The following MAML3 variants were observed in gnomAD, a reference collection of about 807,000 sequenced individuals.
The protein encoded by MAML3 is mastermind like transcriptional coactivator 3.
Under a neutral mutation model 101.9 loss-of-function variants are expected in MAML3, and 27 were observed. That is an observed-to-expected ratio of 0.27 (90% CI 0.20 to 0.37). The LOEUF (loss-of-function observed/expected upper bound fraction) is 0.37. MAML3 is among the 10% of genes least tolerant of loss of function. The pLI, the probability that MAML3 is intolerant of heterozygous loss-of-function variation, is 1.00. For missense variants in MAML3, 1,316 were observed against 1,444.9 expected (o/e 0.91, Z 1.45); for synonymous variants, 501 against 555.9 (o/e 0.90, Z 1.39).
chr4:140,082,201 C>T (rs1297941027), intron 1 of MAML3, among the ~76,000 whole-genome samples: 2 of 152,208 alleles, frequency 1.3e-5, no homozygotes, highest in Non-Finnish European at 2.9e-5. Flanking sequence ...TCAAAGGGTT[C>T]AAGGGAAGAA....
chr4:140,121,226 CA>C (rs1323818462), intron 1 of MAML3, among the ~76,000 whole-genome samples: 2 of 152,244 alleles, frequency 1.3e-5, no homozygotes, highest in Admixed American at 1.3e-4. Flanking sequence ...CTAATTGTGC[CA>C]AATAGATACA....
chr4:139,831,040 C>T (rs1040423330), intron 2 of MAML3, among the ~76,000 whole-genome samples: 4 of 152,104 alleles, frequency 2.6e-5, no homozygotes, highest in Non-Finnish European at 5.9e-5. Context: ...AAAAATGAGA[C>T]ATTTTCTCTC....
chr4:139,891,258 A>G (rs1732492178), intron 1 of MAML3, among the ~76,000 whole-genome samples: 1 of 152,188 alleles, frequency 6.6e-6, no homozygotes, highest in Non-Finnish European at 1.5e-5. Context: ...TCAGCAAGGA[A>G]GAATAATCTG....
At chr4:139,778,460 G>C (rs1031970243) in intron 2 of MAML3, among the ~76,000 whole-genome samples, 1 of 152,226 alleles carries the variant, frequency 6.6e-6, no homozygotes, top group Non-Finnish European at 1.5e-5. Context: ...TTAAGTCTCA[G>C]AGGGCAGCCA....
At chr4:139,852,267 C>T (rs970839051) in intron 2 of MAML3, among the ~76,000 whole-genome samples, 2 of 152,156 alleles carry the variant, frequency 1.3e-5, no homozygotes, top group African/African-American at 4.8e-5. Flanking sequence ...AACCTTTCTG[C>T]AAATCAACTT....
At position 139,752,964 on chromosome 4, in the gene MAML3, T is replaced by C. The variant is rs188444710; in HGVS notation, c.2080-22297A>G. Among the ~76,000 whole-genome samples, 3 of 152,316 alleles carry C rather than the reference T, an allele frequency of 2.0e-5. No homozygotes were observed. In the East Asian group the frequency reaches 5.8e-4, roughly 29 times the overall value. ...CAGGCTGGGGTGATTTTTTTGAACC[T>C]ATCTGCTAGGTCAAGATAATAGGAG... On this transcript the variant is annotated intron_variant, in intron 2 of 4. Coordinates refer to ENST00000509479, the MANE Select transcript of MAML3 (RefSeq NM_018717.5).
At chr4:139,989,849 A>AC (rs1560858894) in intron 1 of MAML3, among the ~76,000 whole-genome samples, 9 of 77,206 alleles carry the variant, frequency 1.2e-4, no homozygotes, top group African/African-American at 2.1e-4. Flanking sequence ...ACACACAAAC[A>AC]AACACACACA....
At chr4:140,011,773 T>C (rs534500905) in intron 1 of MAML3, among the ~76,000 whole-genome samples, 1 of 152,312 alleles carries the variant, frequency 6.6e-6, no homozygotes, top group South Asian at 2.1e-4. Context: ...GCAGTTTCTG[T>C]ATATGCAGAG....
intron 1 of MAML3, among the ~76,000 whole-genome samples, chr4:139,964,986 A>G (rs1471631989): frequency 1.3e-5 from 2 of 152,230 alleles, no homozygotes; most frequent in African/African-American, 4.8e-5. Context: ...ATTAGGAAGA[A>G]ATGTACATAA....
chr4:140,144,881 C>T (rs1729030737), intron 1 of MAML3, among the ~76,000 whole-genome samples: 1 of 152,166 alleles, frequency 6.6e-6, no homozygotes, highest in African/African-American at 2.4e-5. Context: ...CCTCTCCTAC[C>T]TTAACACTAG....
chr4:139,851,087 T>C (rs1025026322), intron 2 of MAML3, among the ~76,000 whole-genome samples: 1 of 152,212 alleles, frequency 6.6e-6, no homozygotes, highest in Non-Finnish European at 1.5e-5. Context: ...ACTTTAAGTA[T>C]GCTCTCCTTT....
chr4:140,015,720 G>A lies in MAML3; in HGVS notation c.469-124753C>T, dbSNP rs79611007. Among the ~76,000 whole-genome samples, 158 of 152,306 alleles carry A rather than the reference G, an allele frequency of 1.0e-3. 2 individuals are homozygous for A. In the Middle Eastern group the frequency reaches 0.017, roughly 16 times the overall value. ...TGTAATCCCAGCACTTTGAGAGGCC[G>A]AGGTGAGTGGATCACTCGGGGTTAG... On this transcript the variant is annotated intron_variant, in intron 1 of 4. Coordinates refer to ENST00000509479, the MANE Select transcript of MAML3 (RefSeq NM_018717.5).
intron 1 of MAML3, among the ~76,000 whole-genome samples, chr4:139,900,131 G>A (rs77048108): frequency 0.084 from 12,761 of 152,158 alleles, 777 homozygotes; most frequent in Admixed American, 0.2. Flanking sequence ...AAATGACCAT[G>A]ATCTTTTTTC....
chr4:139,908,416 T>C (rs1408171621), intron 1 of MAML3, among the ~76,000 whole-genome samples: 1 of 152,238 alleles, frequency 6.6e-6, no homozygotes, highest in East Asian at 1.9e-4. Flanking sequence ...TTTATCCTTA[T>C]GTACAATAAA....
At chr4:139,854,941 C>G (rs974381323) in intron 2 of MAML3, among the ~76,000 whole-genome samples, 1 of 152,192 alleles carries the variant, frequency 6.6e-6, no homozygotes. Context: ...CTCAACTCCC[C>G]GCCACAGCCT....
chr4:140,092,598 A>C (rs904215533), intron 1 of MAML3, among the ~76,000 whole-genome samples: 7 of 152,282 alleles, frequency 4.6e-5, no homozygotes, highest in South Asian at 2.1e-4. Context: ...ATCGTGGTTT[A>C]TCTCTCAGCC....
chr4:139,924,985 G>A (rs769689), intron 1 of MAML3, among the ~76,000 whole-genome samples: 6,642 of 126,188 alleles, frequency 0.053, 460 homozygotes, highest in African/African-American at 0.19. Context: ...GTGACCTTTC[G>A]CTAAACTTTT....
chr4:139,858,791 C>G (rs3106324), intron 2 of MAML3, among the ~76,000 whole-genome samples: 1 of 152,050 alleles, frequency 6.6e-6, no homozygotes, highest in Non-Finnish European at 1.5e-5. Flanking sequence ...TGTCACTAAC[C>G]CTGCGAACAC....
rs1177000325 is a variant in MAML3 at position 140,069,414 on chromosome 4, G to C, written c.468+83446C>G. 1.1e-4 allele frequency among the ~76,000 whole-genome samples: 7 copies of C among 64,678 alleles called. 1 individual carries two copies. The highest frequency in any genetic ancestry group is 3.7e-4 in the African/African-American group (7 of 18,754). 42.4% of individuals were successfully genotyped at this position (64,678 alleles called of 152,430 possible). ...GGAGGAGGAGGAGGAGGAGGAGGAG[G>C]AGGAGGGGAAGGAGGAGAAGGAGGA... On this transcript the variant is annotated intron_variant, in intron 1 of 4. Coordinates refer to ENST00000509479, the MANE Select transcript of MAML3 (RefSeq NM_018717.5).
Sources: gnomAD v4.1 joint callset for allele counts (sites outside exome capture counted in the v4.1 genomes callset) on GRCh38, gnomAD v4.1.1 for gene constraint, MANE v1.5 for transcripts, NCBI Gene and HGNC (gene_info 2026-07-23, HGNC 2026-07-21) for gene names.